Variants in CCBE1 observed in about 807,000 individuals in gnomAD.
CCBE1 encodes the protein collagen and calcium binding EGF domains 1, also known as collagen and calcium-binding EGF domain-containing protein 1.
A neutral mutation model predicts 50.0 loss-of-function variants in CCBE1; 37 were observed. The ratio of observed to expected loss-of-function variants is 0.74; its 90% confidence interval spans 0.57 to 0.97. The LOEUF (loss-of-function observed/expected upper bound fraction) is 0.97. Among genes scored for constraint, CCBE1 ranks in the 50% least tolerant of loss-of-function variants. CCBE1 has a pLI of 0.00. For synonymous variants in CCBE1, 234 were observed against 203.7 expected, an observed-to-expected ratio of 1.15 and a Z score of -1.27; for missense variants, 538 against 523.8, an observed-to-expected ratio of 1.03 and a Z score of -0.26.
At chr18:59,536,131 A>G (rs542427128) in intron 2 of CCBE1, among the ~76,000 whole-genome samples, 1 of 152,384 alleles carries the variant, frequency 6.6e-6, no homozygotes, top group African/African-American at 2.4e-5. Flanking sequence ...TTAAAAAACC[A>G]TAATAGGTTT....
intron 7 of CCBE1, among the ~76,000 whole-genome samples, chr18:59,441,773 C>T (rs962810235): frequency 2.0e-5 from 3 of 152,130 alleles, no homozygotes; most frequent in African/African-American, 7.2e-5. Context: ...AGCAAAGAAT[C>T]AGTGAACTTA....
At chr18:59,437,884 G>C (rs36000093) in intron 10 of CCBE1, among the ~76,000 whole-genome samples, 1 of 152,180 alleles carries the variant, frequency 6.6e-6, no homozygotes, top group South Asian at 2.1e-4. Flanking sequence ...ATAAAGATTA[G>C]CCATGATAAA....
At chr18:59,690,113 G>T (rs1484403813) in intron 2 of CCBE1, among the ~76,000 whole-genome samples, 1 of 152,154 alleles carries the variant, frequency 6.6e-6, no homozygotes, top group African/African-American at 2.4e-5. Flanking sequence ...GAGGATTTTT[G>T]TTGTTGTTGG....
At chr18:59,640,987 G>A (rs891825288) in intron 2 of CCBE1, among the ~76,000 whole-genome samples, 1 of 152,144 alleles carries the variant, frequency 6.6e-6, no homozygotes, top group African/African-American at 2.4e-5. Context: ...ACTGATGCTG[G>A]TGAGGCTGCA....
At chr18:59,692,955 AGCACACACACACACACACACACACACAC>A (rs1328915481) in intron 2 of CCBE1, among the ~76,000 whole-genome samples, 7 of 143,182 alleles carry the variant, frequency 4.9e-5, no homozygotes, top group East Asian at 4.3e-4. Flanking sequence ...GTCAAGCCAA[AGCACACACACACACACACACACACACAC>A]ACACACACAC....
In CCBE1 at chr18:59,471,926, G is replaced by A. The variant is rs114159645; in HGVS notation, c.266-2319C>T. 2.0e-3 allele frequency among the ~76,000 whole-genome samples: 310 copies of A among 152,368 alleles called. 3 individuals are homozygous for A. Among genetic ancestry groups the A allele is most frequent in the African/African-American group, 7.1e-3 (296 of 41,598 alleles). On this transcript the variant is annotated intron_variant, in intron 3 of 10. Transcript: ENST00000439986. ...ATGGTGGCATGTGCCACCTCCGGAGGTTGAGGTAGGAGGCTGGCTTGAGGC... is the reference window on the plus strand; with the variant it reads ...ATGGTGGCATGTGCCACCTCCGGAGATTGAGGTAGGAGGCTGGCTTGAGGC...
intron 2 of CCBE1, among the ~76,000 whole-genome samples, chr18:59,524,320 A>AAAAAC (rs1031097528): frequency 2.0e-5 from 3 of 152,336 alleles, no homozygotes; most frequent in South Asian, 2.1e-4. Context: ...ATCCTGTCTC[A>AAAAAC]AAAACAAAAC....
chr18:59,557,690 C>T (rs1365934930), intron 2 of CCBE1, among the ~76,000 whole-genome samples: 3 of 152,166 alleles, frequency 2.0e-5, no homozygotes, highest in African/African-American at 7.2e-5. Flanking sequence ...CAATGGGGAA[C>T]TTCTAGGGGG....
intron 2 of CCBE1, among the ~76,000 whole-genome samples, chr18:59,659,783 C>A (rs2054257016): frequency 6.6e-6 from 1 of 152,188 alleles, no homozygotes; most frequent in African/African-American, 2.4e-5. Context: ...AGAAACTTTT[C>A]CCACTGCCAG....
chr18:59,452,807 C>A (rs369722125), intron 6 of CCBE1, among the ~76,000 whole-genome samples: 8 of 152,120 alleles, frequency 5.3e-5, no homozygotes, highest in African/African-American at 1.9e-4. Context: ...CTAATAGGAA[C>A]CTTTAGAAAT....
At chr18:59,517,670 A>G (rs865956072) in intron 2 of CCBE1, among the ~76,000 whole-genome samples, 1 of 152,154 alleles carries the variant, frequency 6.6e-6, no homozygotes, top group African/African-American at 2.4e-5. Flanking sequence ...CTTTCTTCCT[A>G]GACTCATTTA....
In CCBE1 at chr18:59,645,390, C is replaced by T. The variant is rs563788637; in HGVS notation, c.212+51239G>A. ...CAGGTAACAGAAAATGTCACACAAA[C>T]GGCAGACAAGTCCCTCCTGCTTCTC... On this transcript the variant is annotated intron_variant, in intron 2 of 10. Transcript: ENST00000439986. Among the ~76,000 whole-genome samples, 80 of 152,272 alleles carry T rather than the reference C, an allele frequency of 5.3e-4. 2 individuals are homozygous for T. Among genetic ancestry groups the T allele is most frequent in the African/African-American group, 1.8e-3 (73 of 41,538 alleles).
At chr18:59,465,592 C>CA (rs1231075361) in intron 5 of CCBE1, 2 of 152,190 alleles carry the variant, frequency 1.3e-5, no homozygotes, top group Non-Finnish European at 2.9e-5. Context: ...TGAACCACTA[C>CA]AAAAATAAGA....
chr18:59,509,470 G>A (rs1914035057), intron 2 of CCBE1, among the ~76,000 whole-genome samples: 1 of 152,118 alleles, frequency 6.6e-6, no homozygotes, highest in Admixed American at 6.5e-5. Flanking sequence ...TGATTGTTGT[G>A]CATTCATAGA....
Position 59,657,150 on chromosome 18 carries a change from T to C in CCBE1, c.212+39479A>G, listed in dbSNP as rs553961939. On this transcript the variant is annotated intron_variant, in intron 2 of 10. Coordinates refer to ENST00000439986, the MANE Select transcript of CCBE1 (RefSeq NM_133459.4). ...ATTACCCTGAAAGCTACAAATTGCA[T>C]GCGTATGCTACAACAAATGGTTTCA... Among the ~76,000 whole-genome samples the C allele has an allele frequency of 6.6e-5, 10 of 152,340 alleles. No individual in the cohort carries two copies. The South Asian group carries it at 1.9e-3, about 28-fold the overall frequency.
chr18:59,606,648 C>A (rs2053502952), intron 2 of CCBE1, among the ~76,000 whole-genome samples: 3 of 152,110 alleles, frequency 2.0e-5, no homozygotes, highest in African/African-American at 4.8e-5. Context: ...GCACAAGAAT[C>A]ATCTCTGGAG....
At chr18:59,562,055 C>T (rs1016847356) in intron 2 of CCBE1, among the ~76,000 whole-genome samples, 1 of 152,176 alleles carries the variant, frequency 6.6e-6, no homozygotes, top group Non-Finnish European at 1.5e-5. Context: ...GAAGATAGGT[C>T]TAGGTTTAAG....
chr18:59,648,071 G>A (rs909479259), intron 2 of CCBE1, among the ~76,000 whole-genome samples: 3 of 152,244 alleles, frequency 2.0e-5, no homozygotes, highest in Non-Finnish European at 4.4e-5. Flanking sequence ...TGAGAAAAGT[G>A]TATGAACACG....
At chr18:59,659,347 A>G (rs1427912948) in intron 2 of CCBE1, among the ~76,000 whole-genome samples, 1 of 151,932 alleles carries the variant, frequency 6.6e-6, no homozygotes, top group African/African-American at 2.4e-5. Flanking sequence ...GCCAATACAG[A>G]CACTGTGACA....
Sources: allele counts gnomAD v4.1 joint callset (sites outside exome capture counted in the v4.1 genomes callset), GRCh38; gene constraint gnomAD v4.1.1; transcripts MANE v1.5; gene names NCBI Gene and HGNC (gene_info 2026-07-23, HGNC 2026-07-21).